The following GPR35 variants were observed in gnomAD, a reference collection of about 807,000 sequenced individuals.
GPR35 encodes the protein G protein-coupled receptor 35.
For synonymous variants in GPR35, 207 were observed against 198.4 expected (o/e 1.04, Z -0.36); for missense variants, 372 against 422.5 (o/e 0.88, Z 1.05).
rs1010840366 is a variant in GPR35 at position 240,631,020 on chromosome 2, G to A, written c.*138G>A. The A allele has an allele frequency of 1.4e-5, 10 of 714,130 alleles. 1 individual carries two copies. The African/African-American group carries it at 1.8e-4, about 13-fold the overall frequency. 44.2% of individuals were successfully genotyped at this position (714,130 alleles called of 1,614,324 possible). On this transcript the variant is annotated 3_prime_UTR_variant, in exon 2 of 2. Coordinates refer to ENST00000407714, the MANE Select transcript of GPR35 (RefSeq NM_005301.5). Reference sequence around the variant, plus strand: ...TGTATTCTCTTGGAGCCTTGGGTGGGCAGGGACGGCCCAGGTACCTGCTCT... The same window carrying A: ...TGTATTCTCTTGGAGCCTTGGGTGGACAGGGACGGCCCAGGTACCTGCTCT...
chr2:240,608,273 C>A (rs2043155612), intron 2 of GPR35, among the ~76,000 whole-genome samples: 1 of 152,158 alleles, frequency 6.6e-6, no homozygotes, highest in Non-Finnish European at 1.5e-5. Flanking sequence ...TTTTCCCTTG[C>A]CTTATTTCCT....
intron 2 of GPR35, among the ~76,000 whole-genome samples, chr2:240,615,450 G>A (rs916463948): frequency 1.3e-5 from 2 of 152,230 alleles, no homozygotes; most frequent in South Asian, 4.1e-4. Context: ...CTACAGACTA[G>A]CAGTGGGGTG....
At chr2:240,619,385 G>A (rs531577728) in intron 5 of GPR35, among the ~76,000 whole-genome samples, 1 of 152,206 alleles carries the variant, frequency 6.6e-6, no homozygotes, top group East Asian at 1.9e-4. Flanking sequence ...CTATCAGCAG[G>A]CGTCTTGCCT....
upstream of GPR35, among the ~76,000 whole-genome samples, chr2:240,620,771 C>A (rs1048011316): frequency 2.0e-5 from 3 of 152,282 alleles, no homozygotes; most frequent in Admixed American, 6.5e-5. Context: ...CCCCCCAGGA[C>A]CCCTGCCCGC....
chr2:240,614,363 C>T (rs2043219410), intron 2 of GPR35, among the ~76,000 whole-genome samples: 1 of 152,230 alleles, frequency 6.6e-6, no homozygotes, highest in African/African-American at 2.4e-5. Flanking sequence ...AATGCACCCT[C>T]TGATCCAAAC....
In GPR35 at chr2:240,630,686, G is replaced by A. The variant is rs1159428290; in HGVS notation, c.734G>A (p.Trp245Ter). The part of the protein sequence containing the change: ...VGLTVRLAVG[W>*]NACALLETIR... ...CTGACAGTGCGCCTCGCAGTGGGCT[G>A]GAACGCCTGTGCCCTCCTGGAGACG... is the stretch of plus-strand genomic sequence containing the variant. The change falls in exon 2 of 2, where the codon TGG (tryptophan) becomes TAG (stop). Residue 245 changes from tryptophan to a stop codon, truncating the protein, a stop_gained. Transcript: ENST00000407714. LOFTEE classifies it low-confidence loss of function (END_TRUNC). The A allele has an allele frequency of 6.2e-7, 1 of 1,613,414 alleles. No individual in the cohort carries two copies. The highest frequency in any genetic ancestry group is 1.7e-5 in the Admixed American group (1 of 60,034).
At chr2:240,615,879 C>T (rs1232536294) in intron 2 of GPR35, among the ~76,000 whole-genome samples, 2 of 152,206 alleles carry the variant, frequency 1.3e-5, no homozygotes, top group Non-Finnish European at 2.9e-5. Flanking sequence ...GGAGATGAGG[C>T]TCAATTCCCA....
intron 1 of GPR35, chr2:240,627,378 C>G (rs1008093158): frequency 6.6e-6 from 1 of 152,208 alleles, no homozygotes; most frequent in Non-Finnish European, 1.5e-5. Context: ...ACGTGCACCT[C>G]GAAACTCTTG....
upstream of GPR35, among the ~76,000 whole-genome samples, chr2:240,624,545 C>T (rs1052184628): frequency 7.9e-5 from 12 of 152,326 alleles, no homozygotes; most frequent in African/African-American, 2.6e-4. Flanking sequence ...ACCTGTGTGA[C>T]GCTGGGCCAA....
At chr2:240,620,548 G>A (rs554654338), upstream of GPR35, among the ~76,000 whole-genome samples, 6 of 152,164 alleles carry the variant, frequency 3.9e-5, no homozygotes, top group South Asian at 4.1e-4. Context: ...TGCCCCCATC[G>A]TGGTCCTCTC....
chr2:240,622,734 C>T (rs543747607), upstream of GPR35, among the ~76,000 whole-genome samples: 53 of 152,234 alleles, frequency 3.5e-4, 1 homozygote, highest in South Asian at 5.6e-3. Context: ...GAGCTCCTCG[C>T]GTCACACATA....
chr2:240,608,292 G>T (rs2043155713), intron 2 of GPR35, among the ~76,000 whole-genome samples: 1 of 152,094 alleles, frequency 6.6e-6, no homozygotes. Context: ...CTCTGGCTGG[G>T]ACCTCCAATA....
chr2:240,620,660 G>A (rs1156893000), upstream of GPR35, among the ~76,000 whole-genome samples: 2 of 152,096 alleles, frequency 1.3e-5, no homozygotes, highest in Admixed American at 1.3e-4. Context: ...TTGGGCTGTG[G>A]GGACCCCCTG....
At chr2:240,624,009 T>TG (rs34527420), upstream of GPR35, among the ~76,000 whole-genome samples, 21,448 of 93,062 alleles carry the variant, frequency 0.23, 2,160 homozygotes, top group South Asian at 0.35. Context: ...GGCCTGGTGG[T>TG]GGGGGGGGTG....
At chr2:240,625,288 G>C (rs1575467788), upstream of GPR35, 1 of 985,566 alleles carries the variant, frequency 1.0e-6, no homozygotes, top group East Asian at 1.1e-4. Flanking sequence ...CTCTTCAGAG[G>C]TGTCAGCACA....
chr2:240,614,216 A>T (rs1240546169), intron 2 of GPR35, among the ~76,000 whole-genome samples: 2 of 152,046 alleles, frequency 1.3e-5, no homozygotes, highest in African/African-American at 2.4e-5. Context: ...ACCTGGCTCA[A>T]ACCCTAACCT....
chr2:240,624,664 A>T (rs922573959), upstream of GPR35, among the ~76,000 whole-genome samples: 3 of 152,102 alleles, frequency 2.0e-5, no homozygotes, highest in Non-Finnish European at 2.9e-5. Context: ...GGCTGTGGTC[A>T]GGGGCTGTGG....
intron 2 of GPR35, among the ~76,000 whole-genome samples, chr2:240,609,970 T>G (rs1428626487): frequency 6.6e-6 from 1 of 152,156 alleles, no homozygotes; most frequent in African/African-American, 2.4e-5. Flanking sequence ...TATCCTTTTT[T>G]TTTTTTTGAG....
intron 1 of GPR35, 31 bp downstream of exon 1, chr2:240,625,599 C>G (rs2043359073): frequency 1.0e-6 from 1 of 968,614 alleles, no homozygotes; most frequent in Non-Finnish European, 1.2e-6. Context: ...TAGGGGCCTC[C>G]CAGCGGGGCA....
Sources: allele counts gnomAD v4.1 joint callset (sites outside exome capture counted in the v4.1 genomes callset), GRCh38; gene constraint gnomAD v4.1.1; transcripts MANE v1.5; gene names NCBI Gene and HGNC (gene_info 2026-07-23, HGNC 2026-07-21).